Variants in SFXN1 observed in about 807,000 individuals in gnomAD.
The protein encoded by SFXN1 is sideroflexin 1.
A neutral mutation model predicts 39.5 loss-of-function variants in SFXN1; 32 were observed. That is an observed-to-expected ratio of 0.81 (90% CI 0.61 to 1.09). SFXN1 has a LOEUF of 1.09. Among genes scored for constraint, SFXN1 ranks in the 50% least tolerant of loss-of-function variants. The probability of loss-of-function intolerance (pLI) is 0.00; values close to 1 mark genes in which losing one functional copy is unlikely to be tolerated. For synonymous variants in SFXN1, 136 were observed against 146.5 expected (o/e 0.93, Z 0.52); for missense variants, 402 against 407.1 (o/e 0.99, Z 0.11).
intron 10 of SFXN1, chr5:175,524,128 ATAT>A (rs1760982448): frequency 1.4e-3 from 25 of 18,408 alleles, no homozygotes; most frequent in African/African-American, 7.0e-3. Context: ...AAAAAAAAAT[ATAT>A]ATATATATAT....
At chr5:175,482,026 G>C (rs905188784) in intron 1 of SFXN1, among the ~76,000 whole-genome samples, 2 of 152,196 alleles carry the variant, frequency 1.3e-5, no homozygotes, top group Non-Finnish European at 2.9e-5. Context: ...AACTGTGAAG[G>C]CTGTGTCATC....
intron 10 of SFXN1, chr5:175,524,094 A>T (rs1393184751): frequency 9.1e-6 from 1 of 110,100 alleles, no homozygotes; most frequent in African/African-American, 3.5e-5. Context: ...ACAGTGCGAG[A>T]TTCTGTCTCA....
chr5:175,501,781 A>C (rs920503584), intron 2 of SFXN1, among the ~76,000 whole-genome samples: 1 of 152,198 alleles, frequency 6.6e-6, no homozygotes, highest in African/African-American at 2.4e-5. Context: ...AGAAGATGCT[A>C]CTTCACACCT....
At chr5:175,479,456 C>T (rs772506900) in intron 1 of SFXN1, among the ~76,000 whole-genome samples, 2 of 152,170 alleles carry the variant, frequency 1.3e-5, no homozygotes, top group Non-Finnish European at 2.9e-5. Context: ...ATACTGCGTT[C>T]TCAAAGACGC....
chr5:175,507,843 C>T (rs189276731), intron 2 of SFXN1, among the ~76,000 whole-genome samples: 11 of 152,146 alleles, frequency 7.2e-5, no homozygotes, highest in African/African-American at 2.6e-4. Flanking sequence ...CATGGTGGCG[C>T]ATGCCTATAG....
intron 2 of SFXN1, among the ~76,000 whole-genome samples, chr5:175,503,448 C>T (rs111536626): frequency 3.3e-5 from 5 of 152,016 alleles, no homozygotes; most frequent in African/African-American, 7.2e-5. Flanking sequence ...GAATTTATTC[C>T]GAGAATGAAA....
intron 9 of SFXN1, 76 bp from the exon 10 acceptor site, chr5:175,522,299 A>G (rs1304210819): frequency 7.1e-7 from 1 of 1,416,892 alleles, no homozygotes; most frequent in African/African-American, 1.4e-5. Context: ...AGGGATTGTT[A>G]TAAAAGTAAA....
chr5:175,492,039 A>G lies in SFXN1; in HGVS notation c.-9-56A>G, dbSNP rs572368735. On this transcript the variant is annotated intron_variant, in intron 1 of 10. Coordinates refer to ENST00000321442, the MANE Select transcript of SFXN1 (RefSeq NM_022754.7). ...AATTTAAGGTGACTGTAAAGTTTCTAAATACGTAGTGACATTGTAAGCCTT... is the reference window on the plus strand; with the variant it reads ...AATTTAAGGTGACTGTAAAGTTTCTGAATACGTAGTGACATTGTAAGCCTT... The G allele has an allele frequency of 7.3e-6, 10 of 1,361,288 alleles. No homozygotes were observed. In the East Asian group the frequency reaches 2.2e-4, roughly 30 times the overall value. 84.3% of individuals were successfully genotyped at this position (1,361,288 alleles called of 1,614,324 possible).
chr5:175,489,914 AG>A (rs1370150852), intron 1 of SFXN1, among the ~76,000 whole-genome samples: 1 of 152,164 alleles, frequency 6.6e-6, no homozygotes, highest in Admixed American at 6.5e-5. Flanking sequence ...CCTCGGGCCC[AG>A]GTGGACTGTG....
At chr5:175,524,608 T>C (rs1020306039) in intron 10 of SFXN1, among the ~76,000 whole-genome samples, 16 of 149,860 alleles carry the variant, frequency 1.1e-4, no homozygotes, top group African/African-American at 3.9e-4. Context: ...ATGCACTAAA[T>C]GTCCCAACTT....
chr5:175,518,846 T>C (rs1347583310), intron 8 of SFXN1, among the ~76,000 whole-genome samples: 4 of 152,222 alleles, frequency 2.6e-5, no homozygotes, highest in African/African-American at 7.2e-5. Context: ...CAAAGACTTA[T>C]TAGACTCAAC....
chr5:175,502,768 G>A (rs568412542), intron 2 of SFXN1, among the ~76,000 whole-genome samples: 58 of 152,252 alleles, frequency 3.8e-4, no homozygotes, highest in South Asian at 8.3e-4. Context: ...TTGAACCCGG[G>A]AAGCAAAGGT....
chr5:175,485,108 TA>T (rs1365084829), intron 1 of SFXN1, among the ~76,000 whole-genome samples: 1 of 152,168 alleles, frequency 6.6e-6, no homozygotes, highest in African/African-American at 2.4e-5. Context: ...CATTCCTGAT[TA>T]GTCTGTATGT....
chr5:175,495,962 G>A lies in SFXN1; in HGVS notation c.164+3695G>A, dbSNP rs1393000463. Among the ~76,000 whole-genome samples the A allele has an allele frequency of 4.7e-5, 7 of 147,398 alleles. No homozygotes were observed. In the Middle Eastern group the frequency reaches 0.011, roughly 222 times the overall value. ...GTTGCCCAGGCTGGAGTGTAGTGGC[G>A]CAATCTCGGCTCACAGCAACCTCCG... On this transcript the variant is annotated intron_variant, in intron 2 of 10. Transcript: ENST00000321442.
At chr5:175,505,150 G>A (rs1422095191) in intron 2 of SFXN1, among the ~76,000 whole-genome samples, 1 of 152,146 alleles carries the variant, frequency 6.6e-6, no homozygotes, top group East Asian at 1.9e-4. Context: ...AGTAGGCCTG[G>A]GGAGAAAGGC....
chr5:175,481,737 A>G (rs993674680), intron 1 of SFXN1, among the ~76,000 whole-genome samples: 2 of 152,232 alleles, frequency 1.3e-5, no homozygotes, highest in Non-Finnish European at 2.9e-5. Flanking sequence ...CAACGTCTCC[A>G]TGCAGAACTA....
rs917465589 is a variant in SFXN1 at position 175,478,599 on chromosome 5, C to G, written c.-50C>G. The G allele has an allele frequency of 2.0e-5, 3 of 151,504 alleles. No homozygotes were observed. Among genetic ancestry groups the G allele is most frequent in the Non-Finnish European group, 4.4e-5 (3 of 68,016 alleles). 9.4% of individuals were successfully genotyped at this position (151,504 alleles called of 1,614,324 possible). On this transcript the variant is annotated 5_prime_UTR_variant, in exon 1 of 11. Coordinates refer to ENST00000321442, the MANE Select transcript of SFXN1 (RefSeq NM_022754.7). ...CGGTGGCGGCGGAGGCTGCACTGAG[C>G]GGGACCTGCGAGCAGCGCGGGCGGC... is the stretch of plus-strand genomic sequence containing the variant.
At chr5:175,496,792 C>A (rs1759875175) in intron 2 of SFXN1, among the ~76,000 whole-genome samples, 1 of 151,834 alleles carries the variant, frequency 6.6e-6, no homozygotes, top group African/African-American at 2.4e-5. Flanking sequence ...TTCTCTTCAC[C>A]TTTTTAGAGC....
intron 8 of SFXN1, among the ~76,000 whole-genome samples, chr5:175,518,442 A>G (rs986401219): frequency 3.9e-5 from 6 of 152,226 alleles, no homozygotes; most frequent in Non-Finnish European, 5.9e-5. Context: ...GGTAGACACT[A>G]GAGTCCCAGA....
Sources: allele counts gnomAD v4.1 joint callset (sites outside exome capture counted in the v4.1 genomes callset), GRCh38; gene constraint gnomAD v4.1.1; transcripts MANE v1.5; gene names NCBI Gene and HGNC (gene_info 2026-07-23, HGNC 2026-07-21).